Variants in SRPK2 observed in about 807,000 individuals in gnomAD.
SRPK2 encodes the protein SRSF protein kinase 2, also known as SFRS protein kinase 2.
A neutral mutation model predicts 90.8 loss-of-function variants in SRPK2; 21 were observed. That is an observed-to-expected ratio of 0.23 (90% CI 0.16 to 0.33). SRPK2 has a LOEUF of 0.33. Ranked by LOEUF, SRPK2 falls within the 10% of genes least tolerant of loss-of-function variation. SRPK2 has a pLI of 1.00. For synonymous variants in SRPK2, 288 were observed against 311.1 expected, an observed-to-expected ratio of 0.93 and a Z score of 0.78; for missense variants, 620 against 869.0, an observed-to-expected ratio of 0.71 and a Z score of 3.60.
At chr7:105,148,976 C>G (rs1160451860) in intron 7 of SRPK2, among the ~76,000 whole-genome samples, 6 of 152,170 alleles carry the variant, frequency 3.9e-5, no homozygotes, top group South Asian at 2.1e-4. Flanking sequence ...GCTGCAGGGA[C>G]CTCTGCCCTT....
chr7:105,128,427 C>CA (rs1801518177), intron 13 of SRPK2, among the ~76,000 whole-genome samples: 1 of 152,124 alleles, frequency 6.6e-6, no homozygotes, highest in South Asian at 2.1e-4. Context: ...ACCCAATAAA[C>CA]AAAGAAGACA....
At chr7:105,275,498 C>T (rs756372505) in intron 2 of SRPK2, among the ~76,000 whole-genome samples, 1 of 152,104 alleles carries the variant, frequency 6.6e-6, no homozygotes, top group Non-Finnish European at 1.5e-5. Flanking sequence ...CTTGTTTTTA[C>T]TCACACCTTA....
At chr7:105,261,805 C>T (rs543689869) in intron 2 of SRPK2, among the ~76,000 whole-genome samples, 8 of 152,258 alleles carry the variant, frequency 5.3e-5, no homozygotes, top group African/African-American at 9.6e-5. Context: ...GTCACTGATA[C>T]GCCCCACTGT....
rs557735170 is a variant in SRPK2 at position 105,268,900 on chromosome 7, G to A, written c.72-65115C>T. On this transcript the variant is annotated intron_variant, in intron 2 of 15. Transcript: ENST00000393651. ...AAAATCAGAAAATATTCACAACCAAGATTGCCTGCCCTTGCTTTCAAGCCT... is the reference window on the plus strand; with the variant it reads ...AAAATCAGAAAATATTCACAACCAAAATTGCCTGCCCTTGCTTTCAAGCCT... 1.9e-6 allele frequency: 3 copies of A among 1,571,224 alleles called. No individual in the cohort carries two copies. The South Asian group carries it at 3.4e-5, about 18-fold the overall frequency.
At chr7:105,222,757 C>T (rs1470409406) in intron 2 of SRPK2, among the ~76,000 whole-genome samples, 1 of 152,142 alleles carries the variant, frequency 6.6e-6, no homozygotes, top group African/African-American at 2.4e-5. Context: ...AATATAACCA[C>T]ACCAGCCATT....
chr7:105,381,112 CG>C (rs1004585398), intron 2 of SRPK2, among the ~76,000 whole-genome samples: 2 of 151,902 alleles, frequency 1.3e-5, no homozygotes, highest in African/African-American at 2.4e-5. Context: ...GGCATGGTGG[CG>C]CATGCCTGTA....
At chr7:105,331,027 C>T (rs1814248244) in intron 2 of SRPK2, among the ~76,000 whole-genome samples, 1 of 151,992 alleles carries the variant, frequency 6.6e-6, no homozygotes, top group East Asian at 1.9e-4. Flanking sequence ...GAAGGCCGGG[C>T]ACGATGGCTC....
At chr7:105,351,628 C>A (rs1817192471) in intron 2 of SRPK2, among the ~76,000 whole-genome samples, 1 of 151,868 alleles carries the variant, frequency 6.6e-6, no homozygotes, top group Non-Finnish European at 1.5e-5. Flanking sequence ...AATGGTGAAA[C>A]CCCATCTCCA....
chr7:105,353,195 G>C (rs753399583), intron 2 of SRPK2, among the ~76,000 whole-genome samples: 1 of 152,200 alleles, frequency 6.6e-6, no homozygotes, highest in Non-Finnish European at 1.5e-5. Context: ...ACAGTTGTAA[G>C]CTTCGACTTG....
At chr7:105,351,660 T>C (rs1183206207) in intron 2 of SRPK2, among the ~76,000 whole-genome samples, 1 of 151,608 alleles carries the variant, frequency 6.6e-6, no homozygotes, top group African/African-American at 2.4e-5. Context: ...AAAAATTAGC[T>C]GGGTGTGGTG....
chr7:105,302,815 T>C (rs1311304312), intron 2 of SRPK2, among the ~76,000 whole-genome samples: 1 of 152,110 alleles, frequency 6.6e-6, no homozygotes, highest in African/African-American at 2.4e-5. Flanking sequence ...TTAAAACATT[T>C]CTCTTGCATA....
chr7:105,183,650 C>T (rs971285995), intron 3 of SRPK2, among the ~76,000 whole-genome samples: 1 of 151,912 alleles, frequency 6.6e-6, no homozygotes, highest in Admixed American at 6.6e-5. Context: ...CCACACCTGG[C>T]TAATTTTTTT....
At chr7:105,348,067 AC>A (rs1816682231) in intron 2 of SRPK2, among the ~76,000 whole-genome samples, 1 of 109,220 alleles carries the variant, frequency 9.2e-6, no homozygotes, top group Non-Finnish European at 2.1e-5. Context: ...TGCTTGGCAA[AC>A]TTTTTTTTTT....
intron 2 of SRPK2, among the ~76,000 whole-genome samples, chr7:105,230,377 T>C (rs913656307): frequency 6.6e-6 from 1 of 152,034 alleles, no homozygotes; most frequent in Non-Finnish European, 1.5e-5. Flanking sequence ...GCTGCAAAGG[T>C]GGTGGACACC....
chr7:105,314,326 T>C lies in SRPK2; in HGVS notation c.71+74322A>G, dbSNP rs185583192. Among the ~76,000 whole-genome samples the C allele has an allele frequency of 1.3e-3, 191 of 151,822 alleles. 1 individual carries two copies. The highest frequency in any genetic ancestry group is 4.3e-3 in the African/African-American group (178 of 41,496). On this transcript the variant is annotated intron_variant, in intron 2 of 15. Transcript: ENST00000393651. Reference sequence around the variant, plus strand: ...CAGCCTGGACGACAGAGTAAGACCCTGTCTTGAAAAATAAACTGGCAAATC... The same window carrying C: ...CAGCCTGGACGACAGAGTAAGACCCCGTCTTGAAAAATAAACTGGCAAATC...
intron 2 of SRPK2, among the ~76,000 whole-genome samples, chr7:105,327,410 G>A (rs951777323): frequency 6.6e-6 from 1 of 152,164 alleles, no homozygotes; most frequent in African/African-American, 2.4e-5. Context: ...TGGCCTGAAA[G>A]GTCTAAATTA....
chr7:105,145,250 G>C (rs1209699530), intron 9 of SRPK2, 33 bp downstream of exon 9: 1 of 1,531,318 alleles, frequency 6.5e-7, no homozygotes, highest in Non-Finnish European at 8.8e-7. Flanking sequence ...CTTTTAACAT[G>C]GTGCATATAA....
intron 15 of SRPK2, among the ~76,000 whole-genome samples, chr7:105,125,587 T>A (rs1409159945): frequency 6.6e-6 from 1 of 152,186 alleles, no homozygotes; most frequent in Non-Finnish European, 1.5e-5. Flanking sequence ...AAAAATGCTG[T>A]TAGGAAGGCT....
At chr7:105,394,680 T>C (rs947779190) in intron 1 of SRPK2, among the ~76,000 whole-genome samples, 8 of 152,224 alleles carry the variant, frequency 5.3e-5, no homozygotes, top group African/African-American at 1.9e-4. Context: ...CATTCAATTT[T>C]CAACAAATAC....
Sources: allele counts gnomAD v4.1 joint callset (sites outside exome capture counted in the v4.1 genomes callset), GRCh38; gene constraint gnomAD v4.1.1; transcripts MANE v1.5; gene names NCBI Gene and HGNC (gene_info 2026-07-23, HGNC 2026-07-21).